FHIT: variants seen among roughly 807,000 people sequenced by gnomAD.
FHIT encodes bis(5'-adenosyl)-triphosphatase.
A neutral mutation model predicts 17.9 loss-of-function variants in FHIT; 19 were observed. The ratio of observed to expected loss-of-function variants is 1.06; its 90% CI spans 0.74 to 1.56. The LOEUF (loss-of-function observed/expected upper bound fraction) is 1.56, where lower values mean the gene tolerates loss of function less well. Among genes scored for constraint, FHIT ranks in the 40% most tolerant of loss-of-function variants. The pLI is 0.00. For synonymous variants in FHIT, 81 were observed against 69.7 expected (o/e 1.16, Z -0.81); for missense variants, 248 against 189.2 (o/e 1.31, Z -1.82).
intron 3 of FHIT, among the ~76,000 whole-genome samples, chr3:60,929,064 C>T (rs531759976): frequency 1.7e-4 from 26 of 152,238 alleles, no homozygotes; most frequent in African/African-American, 3.6e-4. Context: ...GTTCAACATA[C>T]GCAAATCAAT....
At chr3:60,977,045 G>A (rs1311292388) in intron 3 of FHIT, among the ~76,000 whole-genome samples, 2 of 152,174 alleles carry the variant, frequency 1.3e-5, no homozygotes, top group Non-Finnish European at 2.9e-5. Flanking sequence ...GATGATGGGT[G>A]TATGAGTTTC....
At chr3:59,838,020 A>G (rs1193595510) in intron 8 of FHIT, among the ~76,000 whole-genome samples, 2 of 151,984 alleles carry the variant, frequency 1.3e-5, no homozygotes, top group Non-Finnish European at 2.9e-5. Flanking sequence ...ATCATCTCCC[A>G]TCCTCTCTCT....
chr3:60,313,454 C>A (rs4679529), intron 5 of FHIT, among the ~76,000 whole-genome samples: 46,466 of 151,866 alleles, frequency 0.31, 8,087 homozygotes, highest in East Asian at 0.72. Flanking sequence ...TGTGAGCAGG[C>A]TAACGACTAG....
chr3:60,862,910 G>A (rs1033379305), intron 3 of FHIT, among the ~76,000 whole-genome samples: 4 of 151,866 alleles, frequency 2.6e-5, no homozygotes, highest in Non-Finnish European at 4.4e-5. Flanking sequence ...TAGATTAGGT[G>A]CTGCCATGAA....
chr3:60,139,849 C>T (rs1006873734), intron 5 of FHIT, among the ~76,000 whole-genome samples: 5 of 149,026 alleles, frequency 3.4e-5, no homozygotes, highest in Admixed American at 6.6e-5. Flanking sequence ...ACTATGGCCA[C>T]GCAATGGCTC....
intron 8 of FHIT, among the ~76,000 whole-genome samples, chr3:59,878,580 C>A (rs762456402): frequency 2.0e-4 from 31 of 152,174 alleles, no homozygotes; most frequent in Non-Finnish European, 3.1e-4. Flanking sequence ...ACCCTGTAAG[C>A]ACCAGGTAGA....
chr3:61,148,941 T>C (rs1025313188), intron 2 of FHIT, among the ~76,000 whole-genome samples: 16 of 152,242 alleles, frequency 1.1e-4, no homozygotes, highest in African/African-American at 3.1e-4. Context: ...CAGTGGGGAC[T>C]GCTTCTTCTG....
intron 3 of FHIT, among the ~76,000 whole-genome samples, chr3:60,972,994 G>A (rs1011785890): frequency 2.6e-5 from 4 of 152,112 alleles, no homozygotes; most frequent in African/African-American, 9.7e-5. Flanking sequence ...ACAGATTATA[G>A]CTATAGATCT....
chr3:60,579,037 A>G (rs1463932756), intron 4 of FHIT, among the ~76,000 whole-genome samples: 2 of 152,178 alleles, frequency 1.3e-5, no homozygotes, highest in African/African-American at 4.8e-5. Context: ...TCTGGTTTCC[A>G]TGCACCTGCA....
chr3:60,022,342 A>C (rs559677483), intron 5 of FHIT, among the ~76,000 whole-genome samples: 1 of 152,250 alleles, frequency 6.6e-6, no homozygotes, highest in Non-Finnish European at 1.5e-5. Context: ...AGTTCAGGTT[A>C]CTGCCATGTC....
intron 5 of FHIT, among the ~76,000 whole-genome samples, chr3:60,495,254 A>G (rs1359199668): frequency 6.6e-6 from 1 of 152,144 alleles, no homozygotes; most frequent in African/African-American, 2.4e-5. Flanking sequence ...TATGCCTGTT[A>G]GCTATTTTTA....
chr3:60,709,775 T>C (rs1165038978), intron 4 of FHIT, among the ~76,000 whole-genome samples: 1 of 152,212 alleles, frequency 6.6e-6, no homozygotes, highest in Non-Finnish European at 1.5e-5. Flanking sequence ...TCCCAAAATT[T>C]GAATTTTTGC....
chr3:60,685,593 G>C (rs1403452838), intron 4 of FHIT, among the ~76,000 whole-genome samples: 4 of 152,144 alleles, frequency 2.6e-5, no homozygotes, highest in African/African-American at 7.2e-5. Flanking sequence ...GGCTTGCAAA[G>C]TTCCATTCTG....
chr3:59,984,657 C>G (rs1398460355), intron 7 of FHIT, among the ~76,000 whole-genome samples: 1 of 152,120 alleles, frequency 6.6e-6, no homozygotes, highest in African/African-American at 2.4e-5. Context: ...CCAAGGCACA[C>G]AGCCTTGGCT....
At chr3:61,071,831 T>C (rs1396723964) in intron 2 of FHIT, among the ~76,000 whole-genome samples, 4 of 152,186 alleles carry the variant, frequency 2.6e-5, no homozygotes, top group Non-Finnish European at 4.4e-5. Context: ...TATGGCTAGA[T>C]AGTGAAGTTA....
rs908655142 is a variant in FHIT, at chr3:59,899,686, C to CA, written c.348+22659dup. Among the ~76,000 whole-genome samples, 32 of 141,888 alleles carry CA rather than the reference C, an allele frequency of 2.3e-4. 1 individual carries two copies. Among genetic ancestry groups the CA allele is most frequent in the South Asian group, 2.2e-3 (9 of 4,150 alleles). 93.1% of individuals were successfully genotyped at this position (141,888 alleles called of 152,430 possible). A position where few individuals can be genotyped will look rare whatever the true frequency, so the allele number is the denominator to read the frequency against. ...CCGTCTGTACTAAAATACAAAAAAA[C>CA]AAAAAAAAAATTAGCTGGGTATGGC... On this transcript the variant is annotated intron_variant, in intron 8 of 9. Coordinates refer to ENST00000492590, the MANE Select transcript of FHIT (RefSeq NM_002012.4).
At chr3:60,932,767 A>T (rs1439999331) in intron 3 of FHIT, among the ~76,000 whole-genome samples, 1 of 152,042 alleles carries the variant, frequency 6.6e-6, no homozygotes, top group African/African-American at 2.4e-5. Context: ...ACTCTCTTCC[A>T]ACCTCTCAGT....
intron 5 of FHIT, among the ~76,000 whole-genome samples, chr3:60,060,137 T>C (rs1033329805): frequency 6.6e-6 from 1 of 151,988 alleles, no homozygotes; most frequent in Non-Finnish European, 1.5e-5. Flanking sequence ...TATAACTTCT[T>C]AAACCATAAA....
At chr3:59,798,471 T>G (rs1469880293) in intron 8 of FHIT, among the ~76,000 whole-genome samples, 1 of 152,206 alleles carries the variant, frequency 6.6e-6, no homozygotes, top group Non-Finnish European at 1.5e-5. Flanking sequence ...TATGGCTGCA[T>G]CATTGCTGCT....
Sources: gnomAD v4.1 joint callset for allele counts (sites outside exome capture counted in the v4.1 genomes callset) on GRCh38, gnomAD v4.1.1 for gene constraint, MANE v1.5 for transcripts, NCBI Gene and HGNC (gene_info 2026-07-23, HGNC 2026-07-21) for gene names.